MLLT3: variants seen among roughly 807,000 people sequenced by gnomAD.
MLLT3 encodes MLLT3 super elongation complex subunit.
MLLT3 carries 4 observed loss-of-function variants against 53.2 expected under a neutral mutation model. That is an observed-to-expected ratio of 0.08 (90% CI 0.04 to 0.17). The LOEUF is 0.17. Among genes scored for constraint, MLLT3 ranks in the 10% least tolerant of loss-of-function variants. The pLI is 1.00. For synonymous variants in MLLT3, 283 were observed against 230.6 expected, an observed-to-expected ratio of 1.23 and a Z score of -2.06; for missense variants, 569 against 684.0, an observed-to-expected ratio of 0.83 and a Z score of 1.87.
chr9:20,588,289 T>G (rs992739807), intron 2 of MLLT3, among the ~76,000 whole-genome samples: 13 of 149,780 alleles, frequency 8.7e-5, no homozygotes, highest in African/African-American at 3.2e-4. Context: ...GCCTCCAGCT[T>G]TGTTCTTTTG....
Position 20,346,378 on chromosome 9 carries a change from C to T in MLLT3, c.*65G>A. The T allele has an allele frequency of 1.6e-6, 2 of 1,233,812 alleles. No individual in the cohort carries two copies. Among genetic ancestry groups the T allele is most frequent in the Non-Finnish European group, 1.1e-6 (1 of 925,066 alleles). 76.4% of individuals were successfully genotyped at this position (1,233,812 alleles called of 1,614,324 possible). On this transcript the variant is annotated 3_prime_UTR_variant, in exon 11 of 11. Coordinates refer to ENST00000380338, the MANE Select transcript of MLLT3 (RefSeq NM_004529.4). ...AAACAACAAGAACAAAAAATCACAA[C>T]CAAAAAAAAAAAAAACCAAAAAAAA... is the stretch of plus-strand genomic sequence containing the variant.
At chr9:20,597,854 A>AT (rs1235027954) in intron 2 of MLLT3, among the ~76,000 whole-genome samples, 2 of 152,234 alleles carry the variant, frequency 1.3e-5, no homozygotes, top group Non-Finnish European at 2.9e-5. Context: ...GCTTACTAAT[A>AT]TTTTTTAACT....
In MLLT3 at chr9:20,622,315, C is replaced by CT; in HGVS notation, c.-60_-59insA. On this transcript the variant is annotated 5_prime_UTR_variant, in exon 1 of 11. Coordinates refer to ENST00000380338, the MANE Select transcript of MLLT3 (RefSeq NM_004529.4). ...GTGGTACCCCCCCCTCCTCCGCCCC[C>CT]CCTCAGCTGTAATTCATGAAGAGGC... 3 of 1,460,948 alleles carry CT rather than the reference C, an allele frequency of 2.1e-6. No homozygotes were observed. The highest frequency in any genetic ancestry group is 2.7e-5 in the South Asian group (2 of 74,140). The allele number at this position is 1,460,948 out of a possible 1,614,324, so 90.5% of individuals were successfully genotyped here. A position where few individuals can be genotyped will look rare whatever the true frequency, so the allele number is the denominator to read the frequency against.
chr9:20,349,184 T>C (rs992560445), intron 10 of MLLT3, among the ~76,000 whole-genome samples: 4 of 152,224 alleles, frequency 2.6e-5, no homozygotes, highest in Non-Finnish European at 5.9e-5. Context: ...TGCAAACTTT[T>C]TCAATGGTAT....
At chr9:20,391,732 A>T (rs1369778941) in intron 5 of MLLT3, among the ~76,000 whole-genome samples, 1 of 152,248 alleles carries the variant, frequency 6.6e-6, no homozygotes, top group Non-Finnish European at 1.5e-5. Context: ...TCCTAAAACA[A>T]GACAGGTTTT....
At chr9:20,519,372 A>C (rs1462670598) in intron 2 of MLLT3, among the ~76,000 whole-genome samples, 1 of 152,168 alleles carries the variant, frequency 6.6e-6, no homozygotes, top group Non-Finnish European at 1.5e-5. Flanking sequence ...TGTAGACCTA[A>C]ATTTATTCCA....
intron 5 of MLLT3, among the ~76,000 whole-genome samples, chr9:20,367,542 G>T (rs1821489621): frequency 6.6e-6 from 1 of 152,138 alleles, no homozygotes; most frequent in Non-Finnish European, 1.5e-5. Flanking sequence ...GTAAAGACAG[G>T]CAATGCACAC....
At position 20,455,183 on chromosome 9, in the gene MLLT3, A is replaced by T. The variant is rs554021927; in HGVS notation, c.276+1521T>A. 1.3e-4 allele frequency among the ~76,000 whole-genome samples: 20 copies of T among 152,378 alleles called. 1 individual carries two copies. In the East Asian group the frequency reaches 1.3e-3, roughly 10 times the overall value. On this transcript the variant is annotated intron_variant, in intron 3 of 10. Coordinates refer to ENST00000380338, the MANE Select transcript of MLLT3 (RefSeq NM_004529.4). The stretch of plus-strand genomic sequence containing the variant: ...TCTCGACAAATTTGATTTGATGACA[A>T]ATATGTCAACGATTCAGTGGTATCA...
rs540499258 is a variant in MLLT3 at position 20,488,047 on chromosome 9, C to G, written c.194-31261G>C. Among the ~76,000 whole-genome samples, 2 of 152,116 alleles carry G rather than the reference C, an allele frequency of 1.3e-5. 1 individual carries two copies. The highest frequency in any genetic ancestry group is 4.8e-5 in the African/African-American group (2 of 41,504). On this transcript the variant is annotated intron_variant, in intron 2 of 10. Coordinates refer to ENST00000380338, the MANE Select transcript of MLLT3 (RefSeq NM_004529.4). ...TAAGGTTACTTACCTTTTTATTGTG[C>G]CTTAGGTGCAATAAATTAAATAAAT... is the stretch of plus-strand genomic sequence containing the variant.
chr9:20,540,306 G>C (rs937595494), intron 2 of MLLT3, among the ~76,000 whole-genome samples: 11 of 152,228 alleles, frequency 7.2e-5, no homozygotes. Context: ...ATTCTGTGTA[G>C]GGGCTCCAAC....
intron 2 of MLLT3, among the ~76,000 whole-genome samples, chr9:20,497,391 C>T (rs920193110): frequency 1.3e-5 from 2 of 151,992 alleles, no homozygotes; most frequent in Admixed American, 1.3e-4. Context: ...AGATAAGGAA[C>T]ATCCATCAAC....
At chr9:20,612,423 C>G (rs1014187077) in intron 2 of MLLT3, among the ~76,000 whole-genome samples, 1 of 151,966 alleles carries the variant, frequency 6.6e-6, no homozygotes, top group African/African-American at 2.4e-5. Context: ...ACTATGGCCA[C>G]GAACTAAATT....
In MLLT3 at chr9:20,622,333, G is replaced by A; in HGVS notation, c.-77C>T. ...CCGCCCCCCCTCAGCTGTAATTCATGAAGAGGCTGCTATGAATGAGAGCGC... is the reference window on the plus strand; with the variant it reads ...CCGCCCCCCCTCAGCTGTAATTCATAAAGAGGCTGCTATGAATGAGAGCGC... On this transcript the variant is annotated 5_prime_UTR_variant, in exon 1 of 11. Coordinates refer to ENST00000380338, the MANE Select transcript of MLLT3 (RefSeq NM_004529.4). The A allele has an allele frequency of 2.2e-6, 3 of 1,353,948 alleles. No individual in the cohort carries two copies. The African/African-American group carries it at 4.5e-5, about 20-fold the overall frequency. The allele number at this position is 1,353,948 out of a possible 1,614,324, so 83.9% of individuals were successfully genotyped here. A position where few individuals can be genotyped will look rare whatever the true frequency, so the allele number is the denominator to read the frequency against.
intron 5 of MLLT3, among the ~76,000 whole-genome samples, chr9:20,386,343 A>G (rs527520746): frequency 1.1e-3 from 173 of 152,314 alleles, no homozygotes; most frequent in African/African-American, 3.9e-3. Context: ...AGGGTCATTC[A>G]TTCAAATACC....
intron 2 of MLLT3, among the ~76,000 whole-genome samples, chr9:20,464,865 T>C (rs1195832581): frequency 1.3e-5 from 2 of 152,086 alleles, no homozygotes; most frequent in Admixed American, 6.6e-5. Context: ...TTCTCTTCCA[T>C]GAATTCACCA....
intron 2 of MLLT3, among the ~76,000 whole-genome samples, chr9:20,571,475 T>C (rs1246993965): frequency 1.3e-5 from 2 of 152,256 alleles, no homozygotes; most frequent in African/African-American, 4.8e-5. Context: ...AGTTCTGGGA[T>C]ACATGTGCAG....
chr9:20,357,109 C>T (rs1194386503), intron 8 of MLLT3, among the ~76,000 whole-genome samples: 1 of 152,214 alleles, frequency 6.6e-6, no homozygotes, highest in Non-Finnish European at 1.5e-5. Context: ...TTGTCTTCCA[C>T]AGGCTTATTT....
At chr9:20,565,305 A>G (rs149453050) in intron 2 of MLLT3, among the ~76,000 whole-genome samples, 1 of 152,076 alleles carries the variant, frequency 6.6e-6, no homozygotes, top group Non-Finnish European at 1.5e-5. Flanking sequence ...CACTTAGAAC[A>G]GTTTGGGCTA....
chr9:20,576,515 T>A (rs1336444958), intron 2 of MLLT3, among the ~76,000 whole-genome samples: 2 of 152,088 alleles, frequency 1.3e-5, no homozygotes, highest in African/African-American at 4.8e-5. Flanking sequence ...TGGCTTAATT[T>A]CAATATTGTT....
Sources: allele counts gnomAD v4.1 joint callset (sites outside exome capture counted in the v4.1 genomes callset), GRCh38; gene constraint gnomAD v4.1.1; transcripts MANE v1.5; gene names NCBI Gene and HGNC (gene_info 2026-07-23, HGNC 2026-07-21).